DCC: variants seen among roughly 807,000 people sequenced by gnomAD.
DCC encodes the protein DCC netrin 1 receptor.
A neutral mutation model predicts 172.5 loss-of-function variants in DCC; 58 were observed. That is an observed-to-expected ratio of 0.34 (90% CI 0.27 to 0.42). The LOEUF is 0.42. Ranked by LOEUF, DCC falls within the 10% of genes least tolerant of loss-of-function variation. The pLI is 1.00. For missense variants in DCC, 1,740 were observed against 1,791.0 expected, an observed-to-expected ratio of 0.97 and a Z score of 0.51; for synonymous variants, 709 against 644.5, an observed-to-expected ratio of 1.10 and a Z score of -1.52.
At chr18:53,054,589 T>C (rs2042378557) in intron 5 of DCC, among the ~76,000 whole-genome samples, 1 of 152,040 alleles carries the variant, frequency 6.6e-6, no homozygotes, top group African/African-American at 2.4e-5. Context: ...GATCCTAGGC[T>C]CCACAATTAG....
chr18:53,513,123 T>A (rs1390387503), intron 27 of DCC, among the ~76,000 whole-genome samples: 1 of 152,112 alleles, frequency 6.6e-6, no homozygotes, highest in East Asian at 1.9e-4. Context: ...TCAGCAGAAA[T>A]CCTACAAGCC....
intron 2 of DCC, among the ~76,000 whole-genome samples, chr18:52,808,056 C>A (rs2038120803): frequency 6.6e-6 from 1 of 152,192 alleles, no homozygotes. Context: ...ACCCACACAT[C>A]AAATGTGATG....
rs149690885 is a variant in DCC, at chr18:53,493,710, C to G, written c.3899-5588C>G. ...CTATTTTGTTGATCTTTTCAAAAAA[C>G]CAGCTCCTTGATTCATTGATTTTTT... On this transcript the variant is annotated intron_variant, in intron 26 of 28. Transcript: ENST00000442544. 2.6e-3 allele frequency among the ~76,000 whole-genome samples: 398 copies of G among 152,228 alleles called. 2 individuals carry two copies. Among genetic ancestry groups the G allele is most frequent in the African/African-American group, 9.2e-3 (384 of 41,542 alleles).
chr18:52,459,904 C>CAT (rs1988578968), intron 1 of DCC, among the ~76,000 whole-genome samples: 2 of 148,520 alleles, frequency 1.3e-5, no homozygotes, highest in African/African-American at 2.4e-5. Context: ...TATATACACA[C>CAT]ATATATATAC....
intron 26 of DCC, among the ~76,000 whole-genome samples, chr18:53,487,806 T>C (rs981738688): frequency 6.6e-6 from 1 of 152,228 alleles, no homozygotes; most frequent in East Asian, 1.9e-4. Context: ...CTTTTCTCAC[T>C]GCACATAATA....
chr18:53,454,298 T>C (rs72918220), intron 23 of DCC, among the ~76,000 whole-genome samples: 17,332 of 152,236 alleles, frequency 0.11, 1,065 homozygotes, highest in East Asian at 0.21. Context: ...TGAGCCATGA[T>C]TGCATCACTG....
chr18:52,575,725 A>C (rs547999514), intron 1 of DCC, among the ~76,000 whole-genome samples: 29 of 152,342 alleles, frequency 1.9e-4, no homozygotes, highest in African/African-American at 7.0e-4. Flanking sequence ...TCATGTGATC[A>C]TCACAACTGC....
At chr18:53,530,050 G>C (rs543011441) in intron 28 of DCC, among the ~76,000 whole-genome samples, 1 of 152,172 alleles carries the variant, frequency 6.6e-6, no homozygotes, top group South Asian at 2.1e-4. Flanking sequence ...AAAAAAAAAT[G>C]TATCTATGTC....
intron 18 of DCC, among the ~76,000 whole-genome samples, chr18:53,401,139 C>A (rs1270469255): frequency 6.6e-6 from 1 of 152,106 alleles, no homozygotes; most frequent in Non-Finnish European, 1.5e-5. Context: ...AATGAATCTG[C>A]ATTTCTTGCA....
intron 25 of DCC, among the ~76,000 whole-genome samples, chr18:53,470,624 G>A (rs1279111756): frequency 2.0e-5 from 3 of 152,168 alleles, no homozygotes; most frequent in African/African-American, 7.2e-5. Flanking sequence ...AGGTTTAAAT[G>A]ACTGACAGTT....
intron 1 of DCC, among the ~76,000 whole-genome samples, chr18:52,602,400 A>AGTGTGTGTGT (rs71175506): frequency 0.12 from 17,583 of 148,446 alleles, 1,474 homozygotes; most frequent in African/African-American, 0.24. Flanking sequence ...TTAGTATCAA[A>AGTGTGTGTGT]GTGTGTGTGT....
chr18:53,380,061 T>C (rs1285455289), intron 15 of DCC, among the ~76,000 whole-genome samples: 1 of 152,214 alleles, frequency 6.6e-6, no homozygotes, highest in Non-Finnish European at 1.5e-5. Context: ...ACTGTCATGA[T>C]TGTCACTAAG....
In DCC at chr18:53,486,836, C is replaced by T; in HGVS notation, c.3776C>T (p.Ala1259Val). The change falls in exon 26 of 29, where the codon GCC (alanine) becomes GTC (valine). Residue 1259 changes from alanine (A) to valine (V), a missense_variant. Physicochemically the swap from Ala to Val is moderately conservative, Grantham distance 64. Transcript: ENST00000442544. Reference protein sequence around the residue: ...SAIPVPTLESAQYPGILPSPT... With the variant: ...SAIPVPTLESVQYPGILPSPT... ...ATCCCGGTGCCAACGCTAGAAAGTGCCCAGTACCCAGGAATCCTCCCGTCT... is the reference window on the plus strand; with the variant it reads ...ATCCCGGTGCCAACGCTAGAAAGTGTCCAGTACCCAGGAATCCTCCCGTCT... The T allele has an allele frequency of 6.2e-7, 1 of 1,614,122 alleles. No individual in the cohort carries two copies. The highest frequency in any genetic ancestry group is 8.5e-7 in the Non-Finnish European group (1 of 1,180,030).
At chr18:53,437,575 T>A (rs1364020189) in intron 22 of DCC, among the ~76,000 whole-genome samples, 2 of 85,176 alleles carry the variant, frequency 2.3e-5, no homozygotes, top group African/African-American at 4.9e-5. Flanking sequence ...AGAGCAAGGC[T>A]CCATCTCAAA....
At chr18:52,602,040 G>A (rs1303387882) in intron 1 of DCC, among the ~76,000 whole-genome samples, 1 of 152,016 alleles carries the variant, frequency 6.6e-6, no homozygotes, top group Non-Finnish European at 1.5e-5. Context: ...TTAAAGGTAA[G>A]GGAGCATCAC....
At chr18:52,415,171 G>A (rs1986976925) in intron 1 of DCC, among the ~76,000 whole-genome samples, 1 of 152,068 alleles carries the variant, frequency 6.6e-6, no homozygotes, top group African/African-American at 2.4e-5. Flanking sequence ...TACCATTTCT[G>A]TTACAAGCCA....
intron 5 of DCC, among the ~76,000 whole-genome samples, chr18:52,972,583 A>G (rs985721550): frequency 4.0e-5 from 6 of 149,842 alleles, no homozygotes; most frequent in Non-Finnish European, 8.8e-5. Context: ...GGATATGTCT[A>G]TGTAATAAAA....
At chr18:53,501,622 G>C (rs1044189328) in intron 27 of DCC, among the ~76,000 whole-genome samples, 1 of 152,192 alleles carries the variant, frequency 6.6e-6, no homozygotes, top group Non-Finnish European at 1.5e-5. Flanking sequence ...AAAAAGTAAA[G>C]TGCGGTTGCA....
At chr18:52,688,193 A>T (rs2035872614) in intron 1 of DCC, among the ~76,000 whole-genome samples, 1 of 151,540 alleles carries the variant, frequency 6.6e-6, no homozygotes, top group Non-Finnish European at 1.5e-5. Flanking sequence ...CATACTTCCA[A>T]TTTTTCCTAA....
Sources: gnomAD v4.1 joint callset for allele counts (sites outside exome capture counted in the v4.1 genomes callset) on GRCh38, gnomAD v4.1.1 for gene constraint, MANE v1.5 for transcripts, NCBI Gene and HGNC (gene_info 2026-07-23, HGNC 2026-07-21) for gene names.